NAV2: variants seen among roughly 807,000 people sequenced by gnomAD.
The protein encoded by NAV2 is helicase, APC down-regulated 1.
NAV2 carries 54 observed loss-of-function variants against 223.2 expected under a neutral mutation model. The ratio of observed to expected loss-of-function variants is 0.24; its 90% CI spans 0.19 to 0.30. The LOEUF (loss-of-function observed/expected upper bound fraction) is 0.30, where lower values mean the gene tolerates loss of function less well. NAV2 is among the 10% of genes least tolerant of loss of function. The pLI is 1.00. For missense variants in NAV2, 2,806 were observed against 3,147.5 expected (o/e 0.89, Z 2.60); for synonymous variants, 1,279 against 1,239.3 (o/e 1.03, Z -0.67).
intron 35 of NAV2, chr11:20,107,425 G>C: frequency 1.8e-6 from 1 of 541,256 alleles, no homozygotes; most frequent in East Asian, 3.1e-5. Flanking sequence ...GCCACAGTGA[G>C]CATCTTCCCC....
At chr11:19,848,375 G>A (rs1277103751) in intron 3 of NAV2, among the ~76,000 whole-genome samples, 2 of 152,252 alleles carry the variant, frequency 1.3e-5, no homozygotes, top group Admixed American at 6.5e-5. Context: ...CTGGGGAGAT[G>A]CAGCGGGATG....
intron 3 of NAV2, among the ~76,000 whole-genome samples, chr11:19,862,661 G>T (rs1024355666): frequency 6.6e-6 from 1 of 152,098 alleles, no homozygotes; most frequent in Admixed American, 6.5e-5. Context: ...GTAGTGTCAG[G>T]ACCCCGCAAG....
At chr11:19,598,629 C>T (rs2046273984) in intron 1 of NAV2, among the ~76,000 whole-genome samples, 1 of 151,984 alleles carries the variant, frequency 6.6e-6, no homozygotes, top group Non-Finnish European at 1.5e-5. Context: ...ACTATCAGCC[C>T]TCATTTGCAG....
chr11:19,913,527 C>G (rs1027797970), intron 6 of NAV2, among the ~76,000 whole-genome samples: 2 of 152,196 alleles, frequency 1.3e-5, no homozygotes, highest in Admixed American at 6.5e-5. Context: ...GGCAGAAATC[C>G]TGCAAATTGT....
Position 20,044,201 on chromosome 11 carries a change from C to G in NAV2, c.3128C>G (p.Ala1043Gly). The G allele has an allele frequency of 6.2e-7, 1 of 1,614,170 alleles. No homozygotes were observed. Among genetic ancestry groups the G allele is most frequent in the Non-Finnish European group, 8.5e-7 (1 of 1,180,030 alleles). ...QTGSWRRGMTAQVGITMPRTK... is the reference protein window; with the variant it reads ...QTGSWRRGMTGQVGITMPRTK... ...GGCTCATGGCGGCGAGGCATGACAG[C>G]TCAGGTGGGCATCACCATGCCAAGG... Residue 1043 changes from alanine (A) to glycine (G), a missense_variant, in exon 13 of 38, where the codon GCT becomes GGT. Around this residue, in one of 4 missense-constraint regions of NAV2, gnomAD observed 742 missense variants for 777.9 expected, o/e 0.95. Transcript: ENST00000349880.
intron 1 of NAV2, among the ~76,000 whole-genome samples, chr11:19,569,446 T>C (rs771607615): frequency 1.3e-5 from 2 of 152,188 alleles, no homozygotes; most frequent in Non-Finnish European, 2.9e-5. Flanking sequence ...AAAGAGTGTC[T>C]AGCATGTAAG....
At chr11:19,730,223 G>T (rs2051630348) in intron 1 of NAV2, among the ~76,000 whole-genome samples, 1 of 152,188 alleles carries the variant, frequency 6.6e-6, no homozygotes, top group African/African-American at 2.4e-5. Flanking sequence ...GGGGTTCAGT[G>T]TGGGCAGAGT....
chr11:19,916,730 G>A lies in NAV2; in HGVS notation c.932-16446G>A, dbSNP rs141813455. Among the ~76,000 whole-genome samples, 884 of 152,310 alleles carry A rather than the reference G, an allele frequency of 5.8e-3. 6 individuals are homozygous for A. The highest frequency in any genetic ancestry group is 0.01 in the Admixed American group (159 of 15,302). ...ACAATAAATATTTTGGACTTCGAGG[G>A]CCATGGGGTCTCTGGTGCAGCTATT... is the stretch of plus-strand genomic sequence containing the variant. On this transcript the variant is annotated intron_variant, in intron 6 of 37. Coordinates refer to ENST00000349880, the MANE Select transcript of NAV2 (RefSeq NM_145117.5).
chr11:19,823,509 ATTTC>A (rs1170332705), intron 1 of NAV2, among the ~76,000 whole-genome samples: 4 of 151,802 alleles, frequency 2.6e-5, no homozygotes, highest in Non-Finnish European at 5.9e-5. Context: ...TGCCCAGCCT[ATTTC>A]TTATTTTTGT....
At chr11:19,633,813 G>A (rs756111009) in intron 1 of NAV2, among the ~76,000 whole-genome samples, 117 of 152,244 alleles carry the variant, frequency 7.7e-4, no homozygotes, top group Non-Finnish European at 1.3e-3. Flanking sequence ...CCCCTGTTCA[G>A]AAGGTAGGCC....
intron 22 of NAV2, among the ~76,000 whole-genome samples, chr11:20,077,210 A>G (rs977598193): frequency 1.3e-5 from 2 of 152,170 alleles, no homozygotes; most frequent in Admixed American, 6.5e-5. Flanking sequence ...GTGAGAGTGC[A>G]TATGAGGGTG....
chr11:19,698,801 C>CGT (rs1307193403), intron 1 of NAV2, among the ~76,000 whole-genome samples: 6 of 151,898 alleles, frequency 4.0e-5, no homozygotes, highest in Admixed American at 3.9e-4. Flanking sequence ...ACAGTGCTCA[C>CGT]GTGTGTGTGT....
At chr11:19,780,094 A>G (rs1319244588) in intron 1 of NAV2, among the ~76,000 whole-genome samples, 4 of 152,270 alleles carry the variant, frequency 2.6e-5, no homozygotes, top group Non-Finnish European at 5.9e-5. Flanking sequence ...TGGATCAAAA[A>G]TAAGGCCCAG....
intron 1 of NAV2, among the ~76,000 whole-genome samples, chr11:19,496,903 T>C (rs2729891): frequency 0.013 from 2,031 of 152,308 alleles, 41 homozygotes; most frequent in African/African-American, 0.047. Flanking sequence ...AGCTTGGCTC[T>C]CAATGACAAG....
intron 6 of NAV2, among the ~76,000 whole-genome samples, chr11:19,910,097 A>G (rs917424875): frequency 5.9e-5 from 9 of 152,156 alleles, no homozygotes; most frequent in Non-Finnish European, 1.2e-4. Flanking sequence ...CATCACTACT[A>G]GGAAGTGTCA....
At chr11:19,554,607 G>A (rs992787332) in intron 1 of NAV2, among the ~76,000 whole-genome samples, 7 of 152,212 alleles carry the variant, frequency 4.6e-5, no homozygotes, top group African/African-American at 1.7e-4. Context: ...TGTCCTCCAG[G>A]GTTCTGTTTC....
chr11:19,915,984 A>T lies in NAV2; in HGVS notation c.932-17192A>T, dbSNP rs148976925. 2.4e-4 allele frequency among the ~76,000 whole-genome samples: 36 copies of T among 152,350 alleles called. 1 individual carries two copies. The highest frequency in any genetic ancestry group is 8.4e-4 in the African/African-American group (35 of 41,576). On this transcript the variant is annotated intron_variant, in intron 6 of 37. Coordinates refer to ENST00000349880, the MANE Select transcript of NAV2 (RefSeq NM_145117.5). ...TCATCTGACATTGGACAAGCTACTT[A>T]GTCTCTTCAAGCCTCAGTTTCCTCA...
chr11:20,064,864 C>T (rs993456491), intron 20 of NAV2, among the ~76,000 whole-genome samples: 2 of 152,162 alleles, frequency 1.3e-5, no homozygotes, highest in Non-Finnish European at 2.9e-5. Context: ...GACAAGTCAT[C>T]TGGTTATTCA....
chr11:19,378,444 C>T (rs969135907), intron 1 of NAV2, among the ~76,000 whole-genome samples: 3 of 152,068 alleles, frequency 2.0e-5, no homozygotes, highest in Non-Finnish European at 4.4e-5. Context: ...CCTTGGCAGA[C>T]GTGGGGAGGT....
Sources: gnomAD v4.1 joint callset for allele counts (sites outside exome capture counted in the v4.1 genomes callset) on GRCh38, gnomAD v4.1.1 for gene constraint, gnomAD v4.1.1 regional missense constraint, MANE v1.5 for transcripts, NCBI Gene and HGNC (gene_info 2026-07-23, HGNC 2026-07-21) for gene names.